The following SGCZ variants were observed in gnomAD, a reference collection of about 807,000 sequenced individuals.
SGCZ encodes sarcoglycan zeta.
Under a neutral mutation model 41.3 loss-of-function variants are expected in SGCZ, and 40 were observed. That is an observed-to-expected ratio of 0.97 (90% CI 0.75 to 1.26). SGCZ has a LOEUF of 1.26. Ranked by LOEUF, SGCZ falls within the 50% of genes most tolerant of loss-of-function variation. The pLI, the probability that SGCZ is intolerant of heterozygous loss-of-function variation, is 0.00. For missense variants in SGCZ, 552 were observed against 369.8 expected (o/e 1.49, Z -4.04); for synonymous variants, 206 against 137.5 (o/e 1.50, Z -3.49).
rs770892633 is a variant in SGCZ at position 14,090,413 on chromosome 8, C to T, written c.*30G>A. 1.3e-6 allele frequency: 2 copies of T among 1,598,286 alleles called. No homozygotes were observed. Among genetic ancestry groups the T allele is most frequent in the East Asian group, 4.5e-5 (2 of 44,724 alleles). On this transcript the variant is annotated 3_prime_UTR_variant, in exon 8 of 8. Coordinates refer to ENST00000382080, the MANE Select transcript of SGCZ (RefSeq NM_139167.4). ...GAAGCAGACGGACAGGAACAAAAGG[C>T]TATTCTGGTGTGAGGAGAAATCAGT...
At chr8:14,204,097 T>C (rs73528709) in intron 4 of SGCZ, among the ~76,000 whole-genome samples, 8,971 of 152,070 alleles carry the variant, frequency 0.059, 573 homozygotes, top group African/African-American at 0.16. Flanking sequence ...TAACTCAGTC[T>C]CTGAATCTGG....
At chr8:14,578,666 G>A (rs371113877) in intron 1 of SGCZ, among the ~76,000 whole-genome samples, 3 of 152,044 alleles carry the variant, frequency 2.0e-5, no homozygotes, top group South Asian at 2.1e-4. Context: ...CAGAAAATTC[G>A]GTGATGAATA....
intron 5 of SGCZ, among the ~76,000 whole-genome samples, chr8:14,144,173 G>A (rs371150336): frequency 2.0e-5 from 3 of 152,120 alleles, no homozygotes; most frequent in African/African-American, 7.2e-5. Flanking sequence ...AGGTAATACT[G>A]GCATCATCCG....
At chr8:14,571,459 T>C (rs1433549825) in intron 1 of SGCZ, among the ~76,000 whole-genome samples, 2 of 152,222 alleles carry the variant, frequency 1.3e-5, no homozygotes, top group African/African-American at 4.8e-5. Flanking sequence ...GATCTGGCTG[T>C]GGTATGCCCA....
At position 14,603,163 on chromosome 8, in the gene SGCZ, A is replaced by C. The variant is rs117847899; in HGVS notation, c.40-48237T>G. ...TACTGCCACATATAGGTCAACCTAA[A>C]CCTTCGTTCTTGAAGACCACTAGCT... On this transcript the variant is annotated intron_variant, in intron 1 of 7. Coordinates refer to ENST00000382080, the MANE Select transcript of SGCZ (RefSeq NM_139167.4). Among the ~76,000 whole-genome samples the C allele has an allele frequency of 6.5e-4, 99 of 152,254 alleles. 1 individual carries two copies. In the East Asian group the frequency reaches 0.018, roughly 28 times the overall value.
In SGCZ at chr8:14,656,686, T is replaced by G. The variant is rs532831688; in HGVS notation, c.40-101760A>C. Among the ~76,000 whole-genome samples the G allele has an allele frequency of 7.7e-4, 117 of 151,442 alleles. 1 individual carries two copies. Among genetic ancestry groups the G allele is most frequent in the African/African-American group, 2.7e-3 (111 of 41,234 alleles). On this transcript the variant is annotated intron_variant, in intron 1 of 7. Coordinates refer to ENST00000382080, the MANE Select transcript of SGCZ (RefSeq NM_139167.4). ...TTTTCTCCCTTCTTTTCTCCCTTTCTCTCTTTCACTCTTTCTTTCTCCACT... is the reference window on the plus strand; with the variant it reads ...TTTTCTCCCTTCTTTTCTCCCTTTCGCTCTTTCACTCTTTCTTTCTCCACT...
chr8:14,141,540 A>C (rs1304113683), intron 5 of SGCZ, among the ~76,000 whole-genome samples: 1 of 152,264 alleles, frequency 6.6e-6, no homozygotes, highest in Non-Finnish European at 1.5e-5. Context: ...GAAGACATTT[A>C]TGCAGCCAAC....
intron 1 of SGCZ, among the ~76,000 whole-genome samples, chr8:14,672,687 A>G (rs760141206): frequency 1.8e-4 from 28 of 152,184 alleles, no homozygotes; most frequent in Admixed American, 3.3e-4. Context: ...TGTGCTCAGG[A>G]CAACCCTCCA....
chr8:14,282,847 C>CTTTTTTTTTTTTTTTTT (rs1168778028), intron 3 of SGCZ, among the ~76,000 whole-genome samples: 1 of 89,930 alleles, frequency 1.1e-5, no homozygotes, highest in Non-Finnish European at 2.0e-5. Flanking sequence ...CTTTCAAATA[C>CTTTTTTTTTTTTTTTTT]TTTTTTTTTT....
chr8:14,903,694 T>C (rs779239796), intron 1 of SGCZ, among the ~76,000 whole-genome samples: 5 of 152,010 alleles, frequency 3.3e-5, no homozygotes, highest in Non-Finnish European at 7.4e-5. Flanking sequence ...GAGACTTATG[T>C]ATTATTTATT....
intron 1 of SGCZ, among the ~76,000 whole-genome samples, chr8:14,715,170 G>A (rs924657413): frequency 6.6e-6 from 1 of 152,128 alleles, no homozygotes; most frequent in African/African-American, 2.4e-5. Flanking sequence ...GGTCTCAAAA[G>A]GTTAGTTTGA....
intron 1 of SGCZ, among the ~76,000 whole-genome samples, chr8:14,712,977 G>C (rs1809571184): frequency 6.6e-6 from 1 of 152,012 alleles, no homozygotes; most frequent in South Asian, 2.1e-4. Context: ...TCAAGACTAG[G>C]ACATCCAGGT....
chr8:14,616,711 T>C (rs1471334282), intron 1 of SGCZ, among the ~76,000 whole-genome samples: 2 of 152,130 alleles, frequency 1.3e-5, no homozygotes, highest in African/African-American at 4.8e-5. Context: ...ACACGTTTAA[T>C]TTAGACTAGA....
At chr8:14,750,852 G>C (rs1478153755) in intron 1 of SGCZ, among the ~76,000 whole-genome samples, 2 of 152,062 alleles carry the variant, frequency 1.3e-5, no homozygotes, top group Non-Finnish European at 2.9e-5. Context: ...TTTGTGATTT[G>C]GTAACTGAAT....
At chr8:14,718,237 T>C (rs567472244) in intron 1 of SGCZ, among the ~76,000 whole-genome samples, 1 of 152,098 alleles carries the variant, frequency 6.6e-6, no homozygotes, top group Non-Finnish European at 1.5e-5. Flanking sequence ...GAAAGTGAAT[T>C]TTTTAATGTT....
At position 14,833,274 on chromosome 8, in the gene SGCZ, C is replaced by T. The variant is rs147443920; in HGVS notation, c.40-278348G>A. ...TAGGCAGAGATGACAAATTCAAGCA[C>T]CTACAGAGAGTCATATGTGAGTAAA... is the stretch of plus-strand genomic sequence containing the variant. On this transcript the variant is annotated intron_variant, in intron 1 of 7. Transcript: ENST00000382080. Among the ~76,000 whole-genome samples, 10 of 152,118 alleles carry T rather than the reference C, an allele frequency of 6.6e-5. No individual in the cohort carries two copies. The East Asian group carries it at 1.7e-3, about 26-fold the overall frequency.
chr8:14,094,403 T>G (rs927963583), intron 7 of SGCZ, among the ~76,000 whole-genome samples: 11 of 152,080 alleles, frequency 7.2e-5, no homozygotes, highest in African/African-American at 2.7e-4. Context: ...TTTCTGTTCT[T>G]GTGTTAGTTT....
chr8:14,434,011 A>G lies in SGCZ; in HGVS notation c.235-109807T>C, dbSNP rs1800018009. Among the ~76,000 whole-genome samples the G allele has an allele frequency of 2.6e-5, 4 of 152,230 alleles. No individual in the cohort carries two copies. The South Asian group carries it at 8.3e-4, about 32-fold the overall frequency. On this transcript the variant is annotated intron_variant, in intron 2 of 7. Coordinates refer to ENST00000382080, the MANE Select transcript of SGCZ (RefSeq NM_139167.4). ...TTTATTTTTATTTTTACTGCATTTG[A>G]TTTTGGGTTCTTGGTCATGAAATCC...
At chr8:14,640,609 T>C (rs1022152847) in intron 1 of SGCZ, among the ~76,000 whole-genome samples, 8 of 150,660 alleles carry the variant, frequency 5.3e-5, no homozygotes, top group Admixed American at 3.3e-4. Flanking sequence ...ACACCACACA[T>C]ATATATATAC....
Sources: gnomAD v4.1 joint callset for allele counts (sites outside exome capture counted in the v4.1 genomes callset) on GRCh38, gnomAD v4.1.1 for gene constraint, MANE v1.5 for transcripts, NCBI Gene and HGNC (gene_info 2026-07-23, HGNC 2026-07-21) for gene names.